NETO1: variants seen among roughly 807,000 people sequenced by gnomAD.
NETO1 encodes neuropilin and tolloid like 1, also known as neuropilin and tolloid-like protein 1.
In NETO1, 26 loss-of-function variants were observed where a neutral mutation model predicts 61.3. That is an observed-to-expected ratio of 0.42 (90% CI 0.31 to 0.59). The LOEUF is 0.59. NETO1 is among the 20% of genes least tolerant of loss of function. The pLI is 0.12. For synonymous variants in NETO1, 225 were observed against 225.8 expected (o/e 1.00, Z 0.03); for missense variants, 531 against 662.8 (o/e 0.80, Z 2.18).
At chr18:72,814,427 G>A (rs1568221303) in intron 4 of NETO1, among the ~76,000 whole-genome samples, 1 of 151,428 alleles carries the variant, frequency 6.6e-6, no homozygotes, top group Admixed American at 6.6e-5. Flanking sequence ...CAGACAAATT[G>A]CATGAGGAAA....
At chr18:72,831,365 C>T (rs192543111) in intron 4 of NETO1, among the ~76,000 whole-genome samples, 2 of 152,324 alleles carry the variant, frequency 1.3e-5, no homozygotes, top group African/African-American at 4.8e-5. Flanking sequence ...ATAAAAGACA[C>T]TGGGTTAACT....
chr18:72,860,403 A>G (rs1213198037), intron 3 of NETO1, among the ~76,000 whole-genome samples: 1 of 152,148 alleles, frequency 6.6e-6, no homozygotes, highest in Non-Finnish European at 1.5e-5. Flanking sequence ...TAAAATGTAA[A>G]CTCTGGTATG....
intron 7 of NETO1, among the ~76,000 whole-genome samples, chr18:72,763,581 C>T (rs372685399): frequency 7.1e-6 from 1 of 140,378 alleles, no homozygotes; most frequent in Non-Finnish European, 1.6e-5. Context: ...CAAACTCATA[C>T]ACCACACACA....
At chr18:72,831,187 A>G (rs1296644409) in intron 4 of NETO1, among the ~76,000 whole-genome samples, 11 of 152,180 alleles carry the variant, frequency 7.2e-5, no homozygotes, top group Non-Finnish European at 1.6e-4. Flanking sequence ...TAGCTGAGCA[A>G]TACCATCCAC....
Position 72,794,108 on chromosome 18 carries a change from A to G in NETO1, c.639+9T>C. The stretch of plus-strand genomic sequence containing the variant: ...AGCTGTCAAGTGTGGGTTTCATCTT[A>G]AGACTGACCTTGGACCGTGGAGGTG... On this transcript the variant is annotated intron_variant, in intron 6 of 10. Transcript: ENST00000327305. 6.2e-7 allele frequency: 1 copy of G among 1,614,174 alleles called. No homozygotes were observed. The highest frequency in any genetic ancestry group is 1.7e-5 in the Admixed American group (1 of 60,022).
intron 7 of NETO1, among the ~76,000 whole-genome samples, chr18:72,762,939 T>G (rs1014137243): frequency 6.6e-6 from 1 of 152,194 alleles, no homozygotes; most frequent in African/African-American, 2.4e-5. Flanking sequence ...AAAGGTAGAT[T>G]TACATAATGT....
chr18:72,762,221 C>A (rs949528454), intron 7 of NETO1, among the ~76,000 whole-genome samples: 3 of 150,974 alleles, frequency 2.0e-5, no homozygotes, highest in African/African-American at 7.3e-5. Context: ...AGTGCAATGG[C>A]GCGATCTCCA....
intron 7 of NETO1, among the ~76,000 whole-genome samples, chr18:72,759,132 T>C (rs114058027): frequency 0.012 from 1,845 of 152,264 alleles, 44 homozygotes; most frequent in African/African-American, 0.042. Flanking sequence ...TGCACCAATG[T>C]GTGTAGCCCA....
At chr18:72,751,081 T>A (rs1394687329) in intron 8 of NETO1, among the ~76,000 whole-genome samples, 3 of 52,808 alleles carry the variant, frequency 5.7e-5, no homozygotes, top group East Asian at 4.2e-4. Flanking sequence ...ACACACAATC[T>A]ATCTATAAAG....
intron 9 of NETO1, 72 bp from the exon 10 acceptor site, chr18:72,749,160 C>A: frequency 1.1e-6 from 1 of 925,406 alleles, no homozygotes; most frequent in South Asian, 1.3e-5. Flanking sequence ...AATATTTACT[C>A]AAAAGCATTT....
chr18:72,748,883 T>C (rs949349451), intron 10 of NETO1, 131 bp downstream of exon 10: 1 of 689,566 alleles, frequency 1.5e-6, no homozygotes, highest in Non-Finnish European at 2.6e-6. Context: ...GTATTTCTAA[T>C]TGTGAAATGT....
At chr18:72,763,618 A>C (rs1307709929) in intron 7 of NETO1, among the ~76,000 whole-genome samples, 1 of 151,896 alleles carries the variant, frequency 6.6e-6, no homozygotes, top group African/African-American at 2.4e-5. Context: ...CACCATTCAC[A>C]CACACACTCA....
rs568797662 is a variant in NETO1, at chr18:72,766,778, T to C, written c.869-10631A>G. ...ATCTTCATTGGAAACTTACATTCCA[T>C]ATATAAAAAATCTTTCCTTGTATGT... On this transcript the variant is annotated intron_variant, in intron 7 of 10. Coordinates refer to ENST00000327305, the MANE Select transcript of NETO1 (RefSeq NM_138966.5). 1.3e-4 allele frequency among the ~76,000 whole-genome samples: 18 copies of C among 134,480 alleles called. 1 individual carries two copies. The South Asian group carries it at 4.2e-3, about 31-fold the overall frequency. The allele number at this position is 134,480 out of a possible 152,430, so 88.2% of individuals were successfully genotyped here.
chr18:72,853,140 T>G (rs1157266072), intron 4 of NETO1, among the ~76,000 whole-genome samples: 1 of 152,120 alleles, frequency 6.6e-6, no homozygotes, highest in Non-Finnish European at 1.5e-5. Flanking sequence ...TTGTCACACA[T>G]TGGTAATTTT....
chr18:72,865,540 G>T lies in NETO1; in HGVS notation c.29-299C>A, dbSNP rs745787032. 8 of 1,599,770 alleles carry T rather than the reference G, an allele frequency of 5.0e-6. No individual in the cohort carries two copies. The South Asian group carries it at 9.1e-5, about 18-fold the overall frequency. ...TTACTCATGTCACACACAGTACAGTGGGACTACAGGAGTCACACTGTATCT... is the reference window on the plus strand; with the variant it reads ...TTACTCATGTCACACACAGTACAGTTGGACTACAGGAGTCACACTGTATCT... On this transcript the variant is annotated intron_variant, in intron 1 of 10. Coordinates refer to ENST00000327305, the MANE Select transcript of NETO1 (RefSeq NM_138966.5).
intron 1 of NETO1, 61 bp downstream of exon 1, chr18:72,867,203 C>A: frequency 7.4e-7 from 1 of 1,345,618 alleles, no homozygotes; most frequent in Non-Finnish European, 1.0e-6. Flanking sequence ...CGTTCGGCCC[C>A]GGGAAAGGGG....
chr18:72,779,809 A>T (rs183655198), intron 7 of NETO1, among the ~76,000 whole-genome samples: 44 of 152,256 alleles, frequency 2.9e-4, no homozygotes, highest in Non-Finnish European at 5.4e-4. Context: ...AACTACAATA[A>T]ATTAGGTGGC....
At chr18:72,844,032 G>A (rs780551731) in intron 4 of NETO1, among the ~76,000 whole-genome samples, 1 of 152,146 alleles carries the variant, frequency 6.6e-6, no homozygotes, top group Non-Finnish European at 1.5e-5. Flanking sequence ...CTCTGTTTCA[G>A]TTCTAAATAT....
intron 3 of NETO1, 44 bp from the exon 4 acceptor site, chr18:72,859,118 C>T (rs376428857): frequency 6.6e-7 from 1 of 1,520,616 alleles, no homozygotes; most frequent in South Asian, 1.3e-5. Flanking sequence ...TTTCTTACAT[C>T]TTCAGGTTGA....
Sources: gnomAD v4.1 joint callset for allele counts (sites outside exome capture counted in the v4.1 genomes callset) on GRCh38, gnomAD v4.1.1 for gene constraint, MANE v1.5 for transcripts, NCBI Gene and HGNC (gene_info 2026-07-23, HGNC 2026-07-21) for gene names.